RAB21: variants seen among roughly 807,000 people sequenced by gnomAD.
RAB21 encodes RAB21, member RAS oncogene family.
A neutral mutation model predicts 33.1 loss-of-function variants in RAB21; 13 were observed. The ratio of observed to expected loss-of-function variants is 0.39; its 90% confidence interval spans 0.26 to 0.62. The LOEUF (loss-of-function observed/expected upper bound fraction) is 0.62, where lower values mean the gene tolerates loss of function less well. Among genes scored for constraint, RAB21 ranks in the 20% least tolerant of loss-of-function variants. The probability of loss-of-function intolerance (pLI) is 0.48; values close to 1 mark genes in which losing one functional copy is unlikely to be tolerated. For missense variants in RAB21, 234 were observed against 279.1 expected, an observed-to-expected ratio of 0.84 and a Z score of 1.15; for synonymous variants, 91 against 103.7, an observed-to-expected ratio of 0.88 and a Z score of 0.74.
Position 71,797,863 on chromosome 12 carries a change from A to T in RAB21, c.*12190A>T, listed in dbSNP as rs540361899. 25 of 152,166 alleles carry T rather than the reference A, an allele frequency of 1.6e-4. No homozygotes were observed. Among genetic ancestry groups the T allele is most frequent in the African/African-American group, 5.8e-4 (24 of 41,528 alleles). 9.4% of individuals were successfully genotyped at this position (152,166 alleles called of 1,614,324 possible). On this transcript the variant is annotated 3_prime_UTR_variant, in exon 7 of 7. Transcript: ENST00000261263. ...TGGTTTATTCATTAAAGGTAGTAGG[A>T]CACTTGGGTAGCTATAGAGAACAAA...
intron 4 of RAB21, among the ~76,000 whole-genome samples, chr12:71,780,939 T>G (rs1018242200): frequency 1.3e-5 from 2 of 152,192 alleles, no homozygotes; most frequent in South Asian, 4.1e-4. Flanking sequence ...GTATTTTTCC[T>G]TATCGTTATC....
chr12:71,778,491 T>C (rs1883152555), intron 4 of RAB21, among the ~76,000 whole-genome samples: 1 of 152,130 alleles, frequency 6.6e-6, no homozygotes, highest in African/African-American at 2.4e-5. Context: ...TCACATAGTT[T>C]GTTAGAAGTA....
chr12:71,767,769 A>T (rs936024290), intron 1 of RAB21, among the ~76,000 whole-genome samples: 4 of 152,198 alleles, frequency 2.6e-5, no homozygotes, highest in Admixed American at 6.5e-5. Flanking sequence ...ATGAAAATCC[A>T]ATTTTGGGGA....
In RAB21 at chr12:71,795,463, CTG is replaced by C. The variant is rs1454678347; in HGVS notation, c.*9792_*9793del. Reference sequence around the variant, plus strand: ...TAAACATCATTAGGGAAGACTATGACTGTTTCTATGACCTCTAGTCACAAATT... The same window carrying C: ...TAAACATCATTAGGGAAGACTATGACTTTCTATGACCTCTAGTCACAAATT... On this transcript the variant is annotated 3_prime_UTR_variant, in exon 7 of 7. Transcript: ENST00000261263. The C allele has an allele frequency of 1.1e-5, 1 of 93,922 alleles. No individual in the cohort carries two copies. Among genetic ancestry groups the C allele is most frequent in the Non-Finnish European group, 2.0e-5 (1 of 50,720 alleles). The allele number at this position is 93,922 out of a possible 1,614,324, so 5.8% of individuals were successfully genotyped here.
intron 1 of RAB21, among the ~76,000 whole-genome samples, chr12:71,765,569 AT>A (rs1179734437): frequency 2.0e-4 from 30 of 152,142 alleles, no homozygotes; most frequent in Middle Eastern, 3.4e-3. Flanking sequence ...ATCCCCTAGA[AT>A]TTTTATGGTT....
At chr12:71,772,388 A>AT (rs1205050092) in intron 3 of RAB21, among the ~76,000 whole-genome samples, 27 of 152,198 alleles carry the variant, frequency 1.8e-4, no homozygotes, top group African/African-American at 6.0e-4. Flanking sequence ...CTTCTGCCAC[A>AT]TTCTCTTGTC....
chr12:71,755,373 G>C, intron 1 of RAB21, 85 bp downstream of exon 1: 1 of 1,380,446 alleles, frequency 7.2e-7, no homozygotes, highest in South Asian at 1.5e-5. Context: ...TGGTCCCCTG[G>C]ATGTAGGCTG....
At chr12:71,775,848 A>G (rs1414565145) in intron 4 of RAB21, among the ~76,000 whole-genome samples, 1 of 151,886 alleles carries the variant, frequency 6.6e-6, no homozygotes, top group Non-Finnish European at 1.5e-5. Flanking sequence ...AATTTTTTTT[A>G]ACTTGAGTTT....
chr12:71,771,350 GGA>G lies in RAB21; in HGVS notation c.327+652_327+653del, dbSNP rs1337753970. On this transcript the variant is annotated intron_variant, in intron 3 of 6. Transcript: ENST00000261263. ...GACCTTTTCTCCTAAAGCTCTTCTTGGAATATGTCAACAATGTGTAACTACAG... is the reference window on the plus strand; with the variant it reads ...GACCTTTTCTCCTAAAGCTCTTCTTGATATGTCAACAATGTGTAACTACAG... Among the ~76,000 whole-genome samples, 68 of 152,254 alleles carry G rather than the reference GGA, an allele frequency of 4.5e-4. 1 individual carries two copies. The highest frequency in any genetic ancestry group is 1.4e-3 in the African/African-American group (60 of 41,558).
chr12:71,757,764 GGAAGA>G (rs1882806588), intron 1 of RAB21, among the ~76,000 whole-genome samples: 1 of 152,184 alleles, frequency 6.6e-6, no homozygotes, highest in Non-Finnish European at 1.5e-5. Context: ...AGATATGAGA[GGAAGA>G]GTTCACCTTT....
Position 71,791,611 on chromosome 12 carries a change from A to T in RAB21, c.*5938A>T, listed in dbSNP as rs1883386144. On this transcript the variant is annotated 3_prime_UTR_variant, in exon 7 of 7. Transcript: ENST00000261263. The stretch of plus-strand genomic sequence containing the variant: ...AGGACATGATGCTACCAAAAATTCA[A>T]ACTTGTATTTGATCTGTGCCTTTAA... The T allele has an allele frequency of 1.3e-5, 2 of 152,206 alleles. No homozygotes were observed. Among genetic ancestry groups the T allele is most frequent in the South Asian group, 4.1e-4 (2 of 4,828 alleles). 9.4% of individuals were successfully genotyped at this position (152,206 alleles called of 1,614,324 possible).
At chr12:71,758,625 C>T (rs1035843652) in intron 1 of RAB21, among the ~76,000 whole-genome samples, 6 of 148,718 alleles carry the variant, frequency 4.0e-5, no homozygotes, top group East Asian at 2.0e-4. Flanking sequence ...GGACCACAGG[C>T]GTGCGCCACC....
rs1883342618 is a variant in RAB21, at chr12:71,789,236, T to A, written c.*3563T>A. ...ATTACTTTTATCAAAGAGTTTCTAA[T>A]TAAGGCAAACTATGCATTATGCCAA... On this transcript the variant is annotated 3_prime_UTR_variant, in exon 7 of 7. Coordinates refer to ENST00000261263, the MANE Select transcript of RAB21 (RefSeq NM_014999.4). The A allele has an allele frequency of 6.6e-6, 1 of 152,112 alleles. No homozygotes were observed. The allele number at this position is 152,112 out of a possible 1,614,324, so 9.4% of individuals were successfully genotyped here.
At chr12:71,772,487 A>G (rs1883058297) in intron 3 of RAB21, among the ~76,000 whole-genome samples, 1 of 152,196 alleles carries the variant, frequency 6.6e-6, no homozygotes, top group South Asian at 2.1e-4. Flanking sequence ...ATTTGTGACC[A>G]TCTCTAACTC....
In RAB21 at chr12:71,785,609, T is replaced by A; in HGVS notation, c.614T>A (p.Val205Glu). ...CAGCCGGGAACTGCAAGGCGAGGTG[T>A]ACAGATTATTGATGATGAACCTCAA... ...SSQPGTARRG[V>E]QIIDDEPQAQ... The change falls in exon 7 of 7, where the codon GTA becomes GAA. Residue 205 changes from valine (V) to glutamate (E), a missense_variant. Coordinates refer to ENST00000261263, the MANE Select transcript of RAB21 (RefSeq NM_014999.4). The A allele has an allele frequency of 6.2e-7, 1 of 1,614,172 alleles. No homozygotes were observed. Among genetic ancestry groups the A allele is most frequent in the East Asian group, 2.2e-5 (1 of 44,872 alleles).
chr12:71,782,150 T>C (rs1883210860), intron 5 of RAB21, 65 bp downstream of exon 5: 4 of 1,437,982 alleles, frequency 2.8e-6, no homozygotes. Context: ...TTATACGTTT[T>C]GCTTTACCAT....
chr12:71,755,536 C>T (rs1218634258), intron 1 of RAB21, among the ~76,000 whole-genome samples: 1 of 152,220 alleles, frequency 6.6e-6, no homozygotes, highest in Non-Finnish European at 1.5e-5. Flanking sequence ...CCCGTGGTGG[C>T]TGCGCACGTT....
Position 71,779,817 on chromosome 12 carries a change from T to TAAAA in RAB21, c.392-2212_392-2211insAAAA, listed in dbSNP as rs573173882. Among the ~76,000 whole-genome samples, 5 of 152,346 alleles carry TAAAA rather than the reference T, an allele frequency of 3.3e-5. No homozygotes were observed. The South Asian group carries it at 1.0e-3, about 32-fold the overall frequency. ...TTATTGTCCTTGTTTTCAGGTGTTT[T>TAAAA]AAGCCTATCAGAAAGTTCCGTATGT... On this transcript the variant is annotated intron_variant, in intron 4 of 6. Coordinates refer to ENST00000261263, the MANE Select transcript of RAB21 (RefSeq NM_014999.4).
chr12:71,785,743 A>G lies in RAB21; in HGVS notation c.*70A>G. 2 of 1,533,306 alleles carry G rather than the reference A, an allele frequency of 1.3e-6. No homozygotes were observed. The highest frequency in any genetic ancestry group is 9.0e-7 in the Non-Finnish European group (1 of 1,112,008). The allele number at this position is 1,533,306 out of a possible 1,614,324, so 95.0% of individuals were successfully genotyped here. On this transcript the variant is annotated 3_prime_UTR_variant, in exon 7 of 7. Coordinates refer to ENST00000261263, the MANE Select transcript of RAB21 (RefSeq NM_014999.4). ...CATTGCCCTCAACATGAAGACTGCC[A>G]TATTCCAAGTCACATTATTTTACCA... is the stretch of plus-strand genomic sequence containing the variant.
Sources: gnomAD v4.1 joint callset for allele counts (sites outside exome capture counted in the v4.1 genomes callset) on GRCh38, gnomAD v4.1.1 for gene constraint, MANE v1.5 for transcripts, NCBI Gene and HGNC (gene_info 2026-07-23, HGNC 2026-07-21) for gene names.